HYAL2: variants seen among roughly 807,000 people sequenced by gnomAD.
HYAL2 encodes the protein hyaluronidase 2, also known as hyaluronidase-2.
Under a neutral mutation model 35.4 loss-of-function variants are expected in HYAL2, and 30 were observed. That is an observed-to-expected ratio of 0.85 (90% confidence interval 0.63 to 1.15). The LOEUF (loss-of-function observed/expected upper bound fraction) is 1.15, where lower values mean the gene tolerates loss of function less well. Among genes scored for constraint, HYAL2 ranks in the 50% most tolerant of loss-of-function variants. HYAL2 has a pLI of 0.00. For missense variants in HYAL2, 635 were observed against 646.5 expected (o/e 0.98, Z 0.19); for synonymous variants, 262 against 252.8 (o/e 1.04, Z -0.34).
At position 50,320,625 on chromosome 3, in the gene HYAL2, T is replaced by C; in HGVS notation, c.-46-90A>G. The C allele has an allele frequency of 1.2e-6, 1 of 819,664 alleles. No individual in the cohort carries two copies. The highest frequency in any genetic ancestry group is 1.9e-6 in the Non-Finnish European group (1 of 540,524). 50.8% of individuals were successfully genotyped at this position (819,664 alleles called of 1,614,324 possible). On this transcript the variant is annotated intron_variant, in intron 1 of 3. Transcript: ENST00000357750. This position sits in a 1 kb window ranked among gnomAD's most constrained non-coding sequence, Gnocchi z 4.8. ...ATCTATGCTCCCAAAGCCCATGCTG[T>C]GTGGGGGCACTGTGCTCATGGCTGT... is the stretch of plus-strand genomic sequence containing the variant.
chr3:50,319,994 A>C lies in HYAL2; in HGVS notation c.496T>G (p.Trp166Gly). ...RQLVASRHPD[W>G]PPDRIVKQAQ... ...TGTTTGACTATGCGGTCTGGAGGCC[A>C]GTCAGGGTGACGACTGGCCACTAGC... The change falls in exon 2 of 4, where the codon TGG becomes GGG. Residue 166 changes from tryptophan to glycine, a missense_variant. Physicochemically the swap from Trp to Gly is radical, Grantham distance 184. Coordinates refer to ENST00000357750, the MANE Select transcript of HYAL2 (RefSeq NM_003773.5). 1.2e-6 allele frequency: 2 copies of C among 1,613,406 alleles called. No homozygotes were observed. Among genetic ancestry groups the C allele is most frequent in the Non-Finnish European group, 1.7e-6 (2 of 1,180,034 alleles).
chr3:50,317,892 G>A lies in HYAL2; in HGVS notation c.*237C>T. 1 of 469,570 alleles carries A rather than the reference G, an allele frequency of 2.1e-6. No homozygotes were observed. The highest frequency in any genetic ancestry group is 3.8e-6 in the Non-Finnish European group (1 of 262,960). 29.1% of individuals were successfully genotyped at this position (469,570 alleles called of 1,614,324 possible). ...ATCTAGGGCAAGGGAGTAGGGTCAG[G>A]TCCTCCCCAGCCCAGCTGTACCCTC... On this transcript the variant is annotated 3_prime_UTR_variant, in exon 4 of 4. Coordinates refer to ENST00000357750, the MANE Select transcript of HYAL2 (RefSeq NM_003773.5).
At chr3:50,321,390 G>C (rs1381907097) in intron 1 of HYAL2, 3 of 152,136 alleles carry the variant, frequency 2.0e-5, no homozygotes. Flanking sequence ...CACCGGGACC[G>C]GCGCCAGGGC....
chr3:50,318,323 C>G lies in HYAL2; in HGVS notation c.1228G>C (p.Val410Leu), dbSNP rs782676879. The G allele has an allele frequency of 6.2e-7, 1 of 1,613,388 alleles. No individual in the cohort carries two copies. Among genetic ancestry groups the G allele is most frequent in the East Asian group, 2.2e-5 (1 of 44,900 alleles). ...HAPGEPQLRP[V>L]GELSWADIDH... is the part of the protein sequence containing the mutation. ...ATGTCGGCCCAACTGAGCTCCCCCA[C>G]AGGTCGCAGCTGGGGTTCACCAGGT... Residue 410 changes from valine to leucine, a missense_variant, in exon 4 of 4, where the codon GTG (valine) becomes CTG (leucine). Physicochemically the swap from Val to Leu is conservative, Grantham distance 32. Coordinates refer to ENST00000357750, the MANE Select transcript of HYAL2 (RefSeq NM_003773.5). The surrounding 1 kb of genome is among the most constrained non-coding windows in gnomAD (Gnocchi z 4.5).
In HYAL2 at chr3:50,320,005, CGACTGGCCACT is replaced by C; in HGVS notation, c.474_484del (p.Val159SerfsTer3). 6.2e-7 allele frequency: 1 copy of C among 1,613,324 alleles called. No individual in the cohort carries two copies. The highest frequency in any genetic ancestry group is 1.7e-5 in the Admixed American group (1 of 60,032). The stretch of plus-strand genomic sequence containing the variant: ...GCGGTCTGGAGGCCAGTCAGGGTGA[CGACTGGCCACT>C]AGCTGGCGTGATAACCGGCGATACA... On this transcript the variant is annotated frameshift_variant, in exon 2 of 4. Transcript: ENST00000357750. LOFTEE classifies it high-confidence loss of function. This position sits in a 1 kb window ranked among gnomAD's most constrained non-coding sequence, Gnocchi z 4.8.
At position 50,318,944 on chromosome 3, in the gene HYAL2, G is replaced by T. The variant is rs1702621621; in HGVS notation, c.1011+12C>A. ...CCATAGACTGAGCTCTGGCAGGCTG[G>T]GTCTCGCTTACCGTGCTTGTGGTGT... On this transcript the variant is annotated intron_variant, in intron 3 of 3. Transcript: ENST00000357750. The surrounding 1 kb of genome is among the most constrained non-coding windows in gnomAD (Gnocchi z 4.5). 1.2e-6 allele frequency: 2 copies of T among 1,611,174 alleles called. No homozygotes were observed. The highest frequency in any genetic ancestry group is 1.7e-6 in the Non-Finnish European group (2 of 1,177,582).
In HYAL2 at chr3:50,318,974, C is replaced by T. The variant is rs149454549; in HGVS notation, c.993G>A (p.Ala331=). 1.4e-5 allele frequency: 23 copies of T among 1,613,246 alleles called. No homozygotes were observed. Among genetic ancestry groups the T allele is most frequent in the African/African-American group, 5.3e-5 (4 of 74,866 alleles). The change falls in exon 3 of 4, where the codon GCG becomes GCA. Residue 331 remains alanine, a synonymous_variant. Transcript: ENST00000357750. This position sits in a 1 kb window ranked among gnomAD's most constrained non-coding sequence, Gnocchi z 4.5. The part of the protein sequence containing the change: ...GAAGVILWGD[A]GYTTSTETCQ... Reference sequence around the variant, plus strand: ...CGCTTACCGTGCTTGTGGTGTACCCCGCGTCACCCCAGAGGATGACACCAG... The same window carrying T: ...CGCTTACCGTGCTTGTGGTGTACCCTGCGTCACCCCAGAGGATGACACCAG...
At chr3:50,321,467 C>G (rs1053726565) in intron 1 of HYAL2, 10 of 152,286 alleles carry the variant, frequency 6.6e-5, no homozygotes, top group African/African-American at 2.4e-4. Context: ...GGCTCAGCGC[C>G]TCTGCTGGCT....
In HYAL2 at chr3:50,320,723, G is replaced by A. The variant is rs2109326161; in HGVS notation, c.-46-188C>T. On this transcript the variant is annotated intron_variant, in intron 1 of 3. Coordinates refer to ENST00000357750, the MANE Select transcript of HYAL2 (RefSeq NM_003773.5). This position sits in a 1 kb window ranked among gnomAD's most constrained non-coding sequence, Gnocchi z 4.8. ...TGGGAACTCACTGCCAGAAGCACAG[G>A]GCTCTTTTCTGGAGCAGGTAGCCTG... 2.0e-6 allele frequency: 1 copy of A among 507,326 alleles called. No homozygotes were observed. The highest frequency in any genetic ancestry group is 3.5e-6 in the Non-Finnish European group (1 of 289,026). The allele number at this position is 507,326 out of a possible 1,614,324, so 31.4% of individuals were successfully genotyped here.
chr3:50,318,547 C>T lies in HYAL2; in HGVS notation c.1012-8G>A. The T allele has an allele frequency of 6.3e-7, 1 of 1,591,136 alleles. No individual in the cohort carries two copies. The highest frequency in any genetic ancestry group is 8.6e-7 in the Non-Finnish European group (1 of 1,166,162). On this transcript the variant is annotated splice_polypyrimidine_tract_variant and splice_region_variant and intron_variant, in intron 3 of 3. Coordinates refer to ENST00000357750, the MANE Select transcript of HYAL2 (RefSeq NM_003773.5). This position sits in a 1 kb window ranked among gnomAD's most constrained non-coding sequence, Gnocchi z 4.5. ...GAGGTACTGGCAGGTCTCCTGGAGGCAGAAGACAAGGACCACAGGTCAGGG... is the reference window on the plus strand; with the variant it reads ...GAGGTACTGGCAGGTCTCCTGGAGGTAGAAGACAAGGACCACAGGTCAGGG...
rs782218795 is a variant in HYAL2, at chr3:50,320,006, G to A, written c.484C>T (p.Arg162Cys). The change falls in exon 2 of 4, where the codon CGT (arginine) becomes TGT (cysteine). Residue 162 changes from arginine to cysteine, a missense_variant. By Grantham distance (180) the Arg-to-Cys change is radical (BLOSUM62 -3). Transcript: ENST00000357750. This position sits in a 1 kb window ranked among gnomAD's most constrained non-coding sequence, Gnocchi z 4.8. ...CGGTCTGGAGGCCAGTCAGGGTGACGACTGGCCACTAGCTGGCGTGATAAC... is the reference window on the plus strand; with the variant it reads ...CGGTCTGGAGGCCAGTCAGGGTGACAACTGGCCACTAGCTGGCGTGATAAC... ...RRLSRQLVAS[R>C]HPDWPPDRIV... 1.9e-6 allele frequency: 3 copies of A among 1,613,324 alleles called. No individual in the cohort carries two copies. Among genetic ancestry groups the A allele is most frequent in the Non-Finnish European group, 2.5e-6 (3 of 1,180,042 alleles).
At position 50,320,759 on chromosome 3, in the gene HYAL2, C is replaced by T. The variant is rs921460394; in HGVS notation, c.-46-224G>A. On this transcript the variant is annotated intron_variant, in intron 1 of 3. Coordinates refer to ENST00000357750, the MANE Select transcript of HYAL2 (RefSeq NM_003773.5). The surrounding 1 kb of genome is among the most constrained non-coding windows in gnomAD (Gnocchi z 4.8). ...GGAGCAGGTAGCCTGTGGCTCGGCA[C>T]AAATCTCTATTAGGTCTGTGACCCT... The T allele has an allele frequency of 4.1e-6, 2 of 485,080 alleles. No homozygotes were observed. The highest frequency in any genetic ancestry group is 3.9e-5 in the African/African-American group (2 of 51,742). 30.0% of individuals were successfully genotyped at this position (485,080 alleles called of 1,614,324 possible). A position where few individuals can be genotyped will look rare whatever the true frequency, so the allele number is the denominator to read the frequency against.
At position 50,322,323 on chromosome 3, in the gene HYAL2, C is replaced by T. The variant is rs1358585513; in HGVS notation, c.-47+330G>A. 1 of 152,232 alleles carries T rather than the reference C, an allele frequency of 6.6e-6. No homozygotes were observed. Among genetic ancestry groups the T allele is most frequent in the Non-Finnish European group, 1.5e-5 (1 of 68,088 alleles). The allele number at this position is 152,232 out of a possible 1,614,324, so 9.4% of individuals were successfully genotyped here. On this transcript the variant is annotated intron_variant, in intron 1 of 3. Transcript: ENST00000357750. The surrounding 1 kb of genome is among the most constrained non-coding windows in gnomAD (Gnocchi z 5.5). ...CTTTGGGAGCCCGGCTCCCTCTCAACCCCGAGGAGGCCTCCATTCCTTGCA... is the reference window on the plus strand; with the variant it reads ...CTTTGGGAGCCCGGCTCCCTCTCAATCCCGAGGAGGCCTCCATTCCTTGCA...
rs1245206573 is a variant in HYAL2, at chr3:50,320,111, C to A, written c.379G>T (p.Ala127Ser). Residue 127 changes from alanine (A) to serine (S), a missense_variant, in exon 2 of 4, where the codon GCG (alanine) becomes TCG (serine). Transcript: ENST00000357750. The surrounding 1 kb of genome is among the most constrained non-coding windows in gnomAD (Gnocchi z 4.8). Reference protein sequence around the residue: ...VEHYIRTQESAGLAVIDWEDW... With the variant: ...VEHYIRTQESSGLAVIDWEDW... ...TCCCAGTCGATGACCGCCAGCCCCG[C>A]AGACTCCTGTGTCCGAATGTAGTGC... is the stretch of plus-strand genomic sequence containing the variant. 1.2e-6 allele frequency: 2 copies of A among 1,613,686 alleles called. No individual in the cohort carries two copies. The highest frequency in any genetic ancestry group is 1.7e-5 in the Admixed American group (1 of 60,014).
rs782367177 is a variant in HYAL2, at chr3:50,318,099, C to T, written c.*30G>A. On this transcript the variant is annotated 3_prime_UTR_variant, in exon 4 of 4. Coordinates refer to ENST00000357750, the MANE Select transcript of HYAL2 (RefSeq NM_003773.5). The surrounding 1 kb of genome is among the most constrained non-coding windows in gnomAD (Gnocchi z 4.5). ...CTAAGAGAGCCCTTGTGGTAGAGGCCAGCTTGCTAGGCAGCTAGGCAGGAG... is the reference window on the plus strand; with the variant it reads ...CTAAGAGAGCCCTTGTGGTAGAGGCTAGCTTGCTAGGCAGCTAGGCAGGAG... 5.2e-6 allele frequency: 8 copies of T among 1,532,052 alleles called. No individual in the cohort carries two copies. The South Asian group carries it at 7.7e-5, about 15-fold the overall frequency. 94.9% of individuals were successfully genotyped at this position (1,532,052 alleles called of 1,614,324 possible). A position where few individuals can be genotyped will look rare whatever the true frequency, so the allele number is the denominator to read the frequency against.
chr3:50,318,447 G>A lies in HYAL2; in HGVS notation c.1104C>T (p.Ala368=), dbSNP rs1702605606. ...VSWATQYCSR[A]QCHGHGRCVR... is the part of the protein sequence containing the mutation. ...CACAGCGCCCATGGCCATGGCACTGGGCCCGGCTGCAATATTGGGTGGCCC... is the reference window on the plus strand; with the variant it reads ...CACAGCGCCCATGGCCATGGCACTGAGCCCGGCTGCAATATTGGGTGGCCC... Residue 368 remains alanine (A), a synonymous_variant, in exon 4 of 4, where the codon GCC becomes GCT. Transcript: ENST00000357750. This position sits in a 1 kb window ranked among gnomAD's most constrained non-coding sequence, Gnocchi z 4.5. 6.2e-7 allele frequency: 1 copy of A among 1,613,212 alleles called. No homozygotes were observed. Among genetic ancestry groups the A allele is most frequent in the Non-Finnish European group, 8.5e-7 (1 of 1,180,026 alleles).
At position 50,319,161 on chromosome 3, in the gene HYAL2, A is replaced by G. The variant is rs1031472641; in HGVS notation, c.922-116T>C. The G allele has an allele frequency of 6.1e-6, 4 of 656,834 alleles. No homozygotes were observed. In the Admixed American group the frequency reaches 9.1e-5, roughly 15 times the overall value. The allele number at this position is 656,834 out of a possible 1,614,324, so 40.7% of individuals were successfully genotyped here. A position where few individuals can be genotyped will look rare whatever the true frequency, so the allele number is the denominator to read the frequency against. The stretch of plus-strand genomic sequence containing the variant: ...CTGCTGAACTCCCAGCTCAACCCCC[A>G]TTTCACGTCCAGGCAGAGGCTCATT... On this transcript the variant is annotated intron_variant, in intron 2 of 3. Coordinates refer to ENST00000357750, the MANE Select transcript of HYAL2 (RefSeq NM_003773.5).
chr3:50,319,159 C>A, intron 2 of HYAL2, 114 bp from the exon 3 acceptor site: 1 of 666,524 alleles, frequency 1.5e-6, no homozygotes, highest in East Asian at 2.8e-5. Flanking sequence ...AGCTCAACCC[C>A]CATTTCACGT....
Position 50,318,311 on chromosome 3 carries a change from T to C in HYAL2, c.1240A>G (p.Ser414Gly). The C allele has an allele frequency of 6.2e-7, 1 of 1,613,544 alleles. No individual in the cohort carries two copies. Among genetic ancestry groups the C allele is most frequent in the Non-Finnish European group, 8.5e-7 (1 of 1,180,020 alleles). Residue 414 changes from serine (S) to glycine (G), a missense_variant, in exon 4 of 4, where the codon AGT becomes GGT. Physicochemically the swap from Ser to Gly is moderately conservative, Grantham distance 56. Transcript: ENST00000357750. The surrounding 1 kb of genome is among the most constrained non-coding windows in gnomAD (Gnocchi z 4.5). ...EPQLRPVGEL[S>G]WADIDHLQTH... ...TGCAGGTGGTCAATGTCGGCCCAAC[T>C]GAGCTCCCCCACAGGTCGCAGCTGG... is the stretch of plus-strand genomic sequence containing the variant.
Sources: gnomAD v4.1 joint callset for allele counts on GRCh38, gnomAD v4.1.1 for gene constraint, Gnocchi (gnomAD v3.1) non-coding constraint, MANE v1.5 for transcripts, NCBI Gene and HGNC (gene_info 2026-07-23, HGNC 2026-07-21) for gene names.